Variants in DLG1 observed in about 807,000 individuals in gnomAD.
The protein encoded by DLG1 is disks large homolog 1.
DLG1 carries 42 observed loss-of-function variants against 123.4 expected under a neutral mutation model. The ratio of observed to expected loss-of-function variants is 0.34; its 90% CI spans 0.27 to 0.44. The LOEUF is 0.44. Ranked by LOEUF, DLG1 falls within the 20% of genes least tolerant of loss-of-function variation. DLG1 has a pLI of 1.00. For missense variants in DLG1, 942 were observed against 1,082.6 expected (o/e 0.87, Z 1.82); for synonymous variants, 317 against 356.2 (o/e 0.89, Z 1.24).
intron 14 of DLG1, among the ~76,000 whole-genome samples, chr3:197,098,392 GTAAC>G (rs1054362919): frequency 5.1e-4 from 77 of 152,242 alleles, no homozygotes; most frequent in South Asian, 1.0e-3. Context: ...TTCTTAATGA[GTAAC>G]TAAGTTACTA....
chr3:197,282,774 G>A lies in DLG1; in HGVS notation c.223C>T (p.Pro75Ser). The change falls in exon 4 of 25, where the codon CCA becomes TCA. Residue 75 changes from proline (P) to serine (S), a missense_variant. Physicochemically the swap from Pro to Ser is moderately conservative, Grantham distance 74. Coordinates refer to ENST00000667157, the MANE Select transcript of DLG1 (RefSeq NM_001366207.1). ...TCCCAAGTATTCACAGGTTGAATTG[G>A]TTCAGACGGCTTTGAACGATCTATA... ...KCIDRSKPSE[P>S]IQPVNTWEIS... The A allele has an allele frequency of 2.5e-6, 4 of 1,611,668 alleles. No homozygotes were observed. Among genetic ancestry groups the A allele is most frequent in the Non-Finnish European group, 2.5e-6 (3 of 1,178,554 alleles).
At chr3:197,081,838 A>T (rs1751326163) in intron 16 of DLG1, among the ~76,000 whole-genome samples, 1 of 152,198 alleles carries the variant, frequency 6.6e-6, no homozygotes, top group Non-Finnish European at 1.5e-5. Flanking sequence ...AAAATAAGCA[A>T]GCAAATAAAA....
In DLG1 at chr3:197,290,794, A is replaced by C. The variant is rs191983904; in HGVS notation, c.151+5552T>G. Among the ~76,000 whole-genome samples the C allele has an allele frequency of 1.1e-3, 167 of 151,032 alleles. 1 individual carries two copies. The highest frequency in any genetic ancestry group is 3.6e-3 in the African/African-American group (150 of 41,170). ...ACACCTGTAGTCCCAGCTACTCAGG[A>C]GCCTGAGGCAGGAGGATTGCTTGAG... On this transcript the variant is annotated intron_variant, in intron 3 of 24. Coordinates refer to ENST00000667157, the MANE Select transcript of DLG1 (RefSeq NM_001366207.1).
intron 5 of DLG1, chr3:197,184,031 T>C: frequency 2.3e-6 from 3 of 1,305,994 alleles, no homozygotes; most frequent in South Asian, 2.3e-5. Context: ...GCTGAGTTTA[T>C]TTTTGCAGAC....
At chr3:197,109,283 T>C (rs1349401912) in intron 13 of DLG1, among the ~76,000 whole-genome samples, 1 of 152,192 alleles carries the variant, frequency 6.6e-6, no homozygotes, top group African/African-American at 2.4e-5. Flanking sequence ...GGCACGAGGA[T>C]TGCCTGAGTA....
intron 4 of DLG1, among the ~76,000 whole-genome samples, chr3:197,214,188 TA>T (rs756112689): frequency 1.1e-4 from 17 of 151,026 alleles, no homozygotes; most frequent in African/African-American, 2.7e-4. Context: ...TGGCATAACT[TA>T]AAAAAAAATA....
intron 8 of DLG1, 101 bp downstream of exon 8, chr3:197,140,039 T>C (rs766965638): frequency 7.5e-7 from 1 of 1,334,472 alleles, no homozygotes; most frequent in Non-Finnish European, 1.0e-6. Flanking sequence ...ATGCTAGTTA[T>C]CATGATCGTG....
chr3:197,258,442 A>G (rs1202463184), intron 4 of DLG1, among the ~76,000 whole-genome samples: 2 of 150,970 alleles, frequency 1.3e-5, no homozygotes, highest in African/African-American at 4.9e-5. Flanking sequence ...GCGGGGGGGA[A>G]CAACCAAAAA....
intron 4 of DLG1, among the ~76,000 whole-genome samples, chr3:197,255,438 C>A (rs964839956): frequency 6.6e-6 from 1 of 152,174 alleles, no homozygotes; most frequent in African/African-American, 2.4e-5. Context: ...GTCATTGATT[C>A]CTGCCTCCTG....
intron 17 of DLG1, among the ~76,000 whole-genome samples, chr3:197,079,103 A>G (rs1002311043): frequency 1.3e-5 from 2 of 152,102 alleles, no homozygotes; most frequent in Non-Finnish European, 2.9e-5. Flanking sequence ...GGAAAACACA[A>G]AACTGAAGAC....
intron 21 of DLG1, 49 bp downstream of exon 21, chr3:197,065,659 C>G: frequency 1.5e-6 from 2 of 1,342,672 alleles, no homozygotes; most frequent in Non-Finnish European, 2.1e-6. Context: ...CACACAGTGA[C>G]AGGAAATGTT....
At chr3:197,252,679 C>T (rs1578763244) in intron 4 of DLG1, among the ~76,000 whole-genome samples, 1 of 152,250 alleles carries the variant, frequency 6.6e-6, no homozygotes, top group South Asian at 2.1e-4. Context: ...GTAACGGCTG[C>T]ATTTCACAAA....
At chr3:197,094,656 A>G (rs1759623893) in intron 14 of DLG1, among the ~76,000 whole-genome samples, 1 of 152,022 alleles carries the variant, frequency 6.6e-6, no homozygotes, top group African/African-American at 2.4e-5. Context: ...TAATGCTAAC[A>G]CCAGTCCTTA....
chr3:197,220,554 C>T (rs1487163837), intron 4 of DLG1, among the ~76,000 whole-genome samples: 1 of 152,094 alleles, frequency 6.6e-6, no homozygotes, highest in Non-Finnish European at 1.5e-5. Context: ...ATTATGGGGC[C>T]ACTGCTATCA....
intron 15 of DLG1, 54 bp from the exon 16 acceptor site, chr3:197,085,810 T>A (rs1386901706): frequency 6.6e-7 from 1 of 1,508,872 alleles, no homozygotes; most frequent in African/African-American, 1.4e-5. Flanking sequence ...TTAATCAACA[T>A]ATCATAGGGT....
intron 14 of DLG1, among the ~76,000 whole-genome samples, chr3:197,092,002 A>G (rs184187718): frequency 6.6e-6 from 1 of 152,328 alleles, no homozygotes; most frequent in Admixed American, 6.5e-5. Context: ...AAGCTTAGAA[A>G]CATTTAAAAT....
chr3:197,276,303 C>T (rs1766397591), intron 4 of DLG1, among the ~76,000 whole-genome samples: 1 of 152,146 alleles, frequency 6.6e-6, no homozygotes, highest in South Asian at 2.1e-4. Flanking sequence ...GTACAAATAC[C>T]TTCAATAATC....
At chr3:197,084,093 C>T (rs1395407648) in intron 16 of DLG1, among the ~76,000 whole-genome samples, 6 of 152,012 alleles carry the variant, frequency 3.9e-5, no homozygotes, top group Non-Finnish European at 7.4e-5. Context: ...AGAAGTGAAG[C>T]GTATTACCAG....
chr3:197,186,949 A>G (rs939918562), intron 5 of DLG1, among the ~76,000 whole-genome samples: 1 of 152,190 alleles, frequency 6.6e-6, no homozygotes, highest in Non-Finnish European at 1.5e-5. Context: ...TACAAAAAAA[A>G]CCCACCAAAA....
Sources: allele counts gnomAD v4.1 joint callset (sites outside exome capture counted in the v4.1 genomes callset), GRCh38; gene constraint gnomAD v4.1.1; transcripts MANE v1.5; gene names NCBI Gene and HGNC (gene_info 2026-07-23, HGNC 2026-07-21).